The following PRIM2 variants were observed in gnomAD, a reference collection of about 807,000 sequenced individuals.
The protein encoded by PRIM2 is DNA primase large subunit.
A neutral mutation model predicts 67.3 loss-of-function variants in PRIM2; 39 were observed. The ratio of observed to expected loss-of-function variants is 0.58; its 90% confidence interval spans 0.45 to 0.76. The LOEUF is 0.76. Ranked by LOEUF, PRIM2 falls within the 30% of genes least tolerant of loss-of-function variation. PRIM2 has a pLI of 0.00. For missense variants in PRIM2, 398 were observed against 598.7 expected, an observed-to-expected ratio of 0.66 and a Z score of 3.50; for synonymous variants, 143 against 198.7, an observed-to-expected ratio of 0.72 and a Z score of 2.36.
chr6:57,327,596 TG>T (rs2127277668), intron 5 of PRIM2, among the ~76,000 whole-genome samples: 1 of 152,362 alleles, frequency 6.6e-6, no homozygotes, highest in South Asian at 2.1e-4. Context: ...ATGTCATGCA[TG>T]GTACCATCTG....
chr6:57,567,272 T>C (rs1185011085), intron 10 of PRIM2, among the ~76,000 whole-genome samples: 3 of 152,186 alleles, frequency 2.0e-5, no homozygotes, highest in Non-Finnish European at 2.9e-5. Flanking sequence ...TCTTGATGGC[T>C]TGACTTAAAA....
At chr6:57,587,857 A>G (rs1409590436) in intron 10 of PRIM2, among the ~76,000 whole-genome samples, 1 of 151,936 alleles carries the variant, frequency 6.6e-6, no homozygotes, top group African/African-American at 2.4e-5. Flanking sequence ...TTAATAGCCA[A>G]ATGGAAGTAA....
At chr6:57,526,074 C>T (rs1183648283) in intron 8 of PRIM2, among the ~76,000 whole-genome samples, 1 of 151,936 alleles carries the variant, frequency 6.6e-6, no homozygotes, top group Admixed American at 6.6e-5. Flanking sequence ...GTAGTTTGTC[C>T]TGGGTTTTAT....
At chr6:57,512,078 A>C (rs1464803006) in intron 8 of PRIM2, among the ~76,000 whole-genome samples, 3 of 152,158 alleles carry the variant, frequency 2.0e-5, no homozygotes, top group African/African-American at 7.2e-5. Flanking sequence ...GGGATATGAG[A>C]AACCGGTAAA....
At chr6:57,644,826 A>G (rs1290299166) in intron 13 of PRIM2, among the ~76,000 whole-genome samples, 19 of 152,214 alleles carry the variant, frequency 1.2e-4, no homozygotes, top group Non-Finnish European at 2.1e-4. Flanking sequence ...TTTGTTGTCA[A>G]CTCCAACTGC....
chr6:57,539,823 G>A (rs1347218062), intron 10 of PRIM2, among the ~76,000 whole-genome samples: 12 of 151,916 alleles, frequency 7.9e-5, no homozygotes, highest in African/African-American at 2.7e-4. Flanking sequence ...GTGAAATACC[G>A]TCTCTACTAA....
chr6:57,559,899 G>A (rs1445923974), intron 10 of PRIM2, among the ~76,000 whole-genome samples: 1 of 152,066 alleles, frequency 6.6e-6, no homozygotes, highest in Non-Finnish European at 1.5e-5. Context: ...TTTTGCTGGT[G>A]GAGGGTCTTG....
At chr6:57,456,881 C>T (rs1281744231) in intron 7 of PRIM2, among the ~76,000 whole-genome samples, 1 of 152,122 alleles carries the variant, frequency 6.6e-6, no homozygotes, top group African/African-American at 2.4e-5. Context: ...TTAGAGTTTC[C>T]AGTTTTTCTG....
intron 5 of PRIM2, among the ~76,000 whole-genome samples, chr6:57,367,392 C>G (rs1769394905): frequency 6.6e-6 from 1 of 151,962 alleles, no homozygotes; most frequent in Non-Finnish European, 1.5e-5. Flanking sequence ...AACTGGATTA[C>G]AGATAGAAAA....
At chr6:57,405,295 G>A (rs560082613) in intron 7 of PRIM2, among the ~76,000 whole-genome samples, 2 of 152,152 alleles carry the variant, frequency 1.3e-5, no homozygotes, top group Non-Finnish European at 2.9e-5. Flanking sequence ...AGGGGAGCTG[G>A]GCATATGTAA....
the PRIM2 span, among the ~76,000 whole-genome samples, chr6:57,268,841 T>C: frequency 1.4e-5 from 2 of 141,258 alleles, no homozygotes; most frequent in South Asian, 4.6e-4. Context: ...TGTCCATGTG[T>C]TCTCATTGTT....
At chr6:57,240,101 T>TTTTTG in the PRIM2 span, among the ~76,000 whole-genome samples, 9 of 140,218 alleles carry the variant, frequency 6.4e-5, no homozygotes, top group African/African-American at 2.5e-4. Flanking sequence ...GTTTTTTTTT[T>TTTTTG]TTTTTTTTTT....
At chr6:57,366,607 A>G (rs965427732) in intron 5 of PRIM2, among the ~76,000 whole-genome samples, 1 of 152,194 alleles carries the variant, frequency 6.6e-6, no homozygotes, top group Non-Finnish European at 1.5e-5. Context: ...GTAGCAGTCC[A>G]TTTGGACAGT....
At chr6:57,243,410 G>A in the PRIM2 span, among the ~76,000 whole-genome samples, 2 of 152,202 alleles carry the variant, frequency 1.3e-5, no homozygotes, top group African/African-American at 2.4e-5. Flanking sequence ...AAGAGGGTAT[G>A]TTAATTGGAA....
Position 57,321,083 on chromosome 6 carries a change from A to G in PRIM2, c.258+523A>G, listed in dbSNP as rs568084883. On this transcript the variant is annotated intron_variant, in intron 3 of 13. Coordinates refer to ENST00000615550, the MANE Select transcript of PRIM2 (RefSeq NM_000947.5). ...GCAGATTGACAGGGTCATGTCTGTTAGGAGGGAAACCAGTTAGAAGCCCGG... is the reference window on the plus strand; with the variant it reads ...GCAGATTGACAGGGTCATGTCTGTTGGGAGGGAAACCAGTTAGAAGCCCGG... Among the ~76,000 whole-genome samples the G allele has an allele frequency of 2.0e-5, 3 of 152,306 alleles. No individual in the cohort carries two copies. In the East Asian group the frequency reaches 5.8e-4, roughly 29 times the overall value.
the PRIM2 span, among the ~76,000 whole-genome samples, chr6:57,257,044 T>G: frequency 1.3e-5 from 2 of 152,218 alleles, no homozygotes; most frequent in Admixed American, 1.3e-4. Flanking sequence ...TAGGTATTTT[T>G]GTTTTTCTTG....
chr6:57,225,678 T>C, the PRIM2 span, among the ~76,000 whole-genome samples: 8 of 151,924 alleles, frequency 5.3e-5, no homozygotes, highest in African/African-American at 1.9e-4. Context: ...TGTGTCTGAC[T>C]CTAATGAACT....
At chr6:57,508,886 CT>C (rs1266568727) in intron 8 of PRIM2, among the ~76,000 whole-genome samples, 6 of 149,646 alleles carry the variant, frequency 4.0e-5, no homozygotes, top group Non-Finnish European at 8.9e-5. Context: ...TTGTTACATA[CT>C]TTTTTTCTAA....
intron 5 of PRIM2, among the ~76,000 whole-genome samples, chr6:57,335,197 G>C (rs1477601110): frequency 6.6e-6 from 1 of 152,266 alleles, no homozygotes; most frequent in Non-Finnish European, 1.5e-5. Flanking sequence ...CCCGCACCTG[G>C]CTCGGAGGGT....
Sources: gnomAD v4.1 joint callset for allele counts (sites outside exome capture counted in the v4.1 genomes callset) on GRCh38, gnomAD v4.1.1 for gene constraint, MANE v1.5 for transcripts, NCBI Gene and HGNC (gene_info 2026-07-23, HGNC 2026-07-21) for gene names.